The following ZNF560 variants were observed in gnomAD, a reference collection of about 807,000 sequenced individuals.
The protein encoded by ZNF560 is zinc finger protein 560.
In ZNF560, 54 loss-of-function variants were observed where a neutral mutation model predicts 81.8. That is an observed-to-expected ratio of 0.66 (90% CI 0.53 to 0.83). The LOEUF (loss-of-function observed/expected upper bound fraction) is 0.83, where lower values mean the gene tolerates loss of function less well. Ranked by LOEUF, ZNF560 falls within the 40% of genes least tolerant of loss-of-function variation. The pLI, the probability that ZNF560 is intolerant of heterozygous loss-of-function variation, is 0.00. For synonymous variants in ZNF560, 321 were observed against 317.9 expected (o/e 1.01, Z -0.10); for missense variants, 940 against 932.4 (o/e 1.01, Z -0.11).
the ZNF560 span, among the ~76,000 whole-genome samples, chr19:9,460,006 T>C: frequency 6.6e-6 from 1 of 151,622 alleles, no homozygotes; most frequent in Non-Finnish European, 1.5e-5. Context: ...GAACAACGGG[T>C]TTGGTGGAAA....
chr19:9,480,473 C>A (rs1399073645), intron 2 of ZNF560, among the ~76,000 whole-genome samples: 2 of 152,020 alleles, frequency 1.3e-5, no homozygotes, highest in African/African-American at 4.8e-5. Flanking sequence ...CCTAACACTG[C>A]ACCTTGAGGA....
intron 2 of ZNF560, among the ~76,000 whole-genome samples, chr19:9,476,353 C>T (rs1286908057): frequency 4.0e-5 from 6 of 151,890 alleles, no homozygotes; most frequent in South Asian, 2.1e-4. Flanking sequence ...AGTGCAATGG[C>T]GAGATCTTGG....
chr19:9,473,906 A>G (rs2073160382), intron 4 of ZNF560, among the ~76,000 whole-genome samples: 1 of 152,240 alleles, frequency 6.6e-6, no homozygotes, highest in Admixed American at 6.5e-5. Context: ...TTAATATTAT[A>G]GTGCATCAAA....
the ZNF560 span, among the ~76,000 whole-genome samples, chr19:9,456,323 A>G: frequency 6.6e-6 from 1 of 152,326 alleles, no homozygotes; most frequent in East Asian, 1.9e-4. Context: ...AAAGGAGTGC[A>G]GGTTCATACA....
At chr19:9,459,846 G>C in the ZNF560 span, among the ~76,000 whole-genome samples, 1 of 152,034 alleles carries the variant, frequency 6.6e-6, no homozygotes, top group Non-Finnish European at 1.5e-5. Flanking sequence ...GTAGTGCAGC[G>C]GGGCAGCCTT....
At chr19:9,452,099 A>G in the ZNF560 span, among the ~76,000 whole-genome samples, 207 of 152,206 alleles carry the variant, frequency 1.4e-3, no homozygotes, top group African/African-American at 4.8e-3. Context: ...AGTGGGGGGC[A>G]GGGCAAAAGA....
At chr19:9,446,659 G>A in the ZNF560 span, among the ~76,000 whole-genome samples, 1 of 151,998 alleles carries the variant, frequency 6.6e-6, no homozygotes, top group African/African-American at 2.4e-5. Context: ...ACATTATGTG[G>A]CAACAATGAA....
At chr19:9,472,490 CATAAA>C (rs1308047910) in intron 5 of ZNF560, among the ~76,000 whole-genome samples, 1 of 152,148 alleles carries the variant, frequency 6.6e-6, no homozygotes, top group African/African-American at 2.4e-5. Context: ...ACTTGATTCT[CATAAA>C]AGAGCAAAAT....
At position 9,468,300 on chromosome 19, in the gene ZNF560, C is replaced by T. The variant is rs751763424; in HGVS notation, c.647G>A (p.Cys216Tyr). The change falls in exon 10 of 10, where the codon TGT becomes TAT. Residue 216 changes from cysteine (C) to tyrosine (Y), a missense_variant. Coordinates refer to ENST00000301480, the MANE Select transcript of ZNF560 (RefSeq NM_152476.3). ...RNQNGEELYD[C>Y]KQCEDVFCKH... ...ACAGAAGACATCTTCACATTGCTTA[C>T]AGTCATAGAGTTCCTCTCCATTTTG... 6.2e-7 allele frequency: 1 copy of T among 1,609,654 alleles called. No individual in the cohort carries two copies. Among genetic ancestry groups the T allele is most frequent in the Non-Finnish European group, 8.5e-7 (1 of 1,178,376 alleles).
the ZNF560 span, among the ~76,000 whole-genome samples, chr19:9,447,969 A>C: frequency 6.6e-6 from 1 of 152,170 alleles, no homozygotes; most frequent in Non-Finnish European, 1.5e-5. Context: ...AGGAAATGGC[A>C]CATCAGGTAC....
At chr19:9,449,974 CAA>C in the ZNF560 span, among the ~76,000 whole-genome samples, 160 of 43,370 alleles carry the variant, frequency 3.7e-3, no homozygotes, top group Non-Finnish European at 6.5e-3. Flanking sequence ...AACTCTGTCT[CAA>C]AAAAAAAAAA....
intron 2 of ZNF560, among the ~76,000 whole-genome samples, chr19:9,493,699 A>C (rs1431027471): frequency 1.3e-5 from 2 of 152,198 alleles, no homozygotes; most frequent in Admixed American, 6.5e-5. Context: ...TTAGTTTCTA[A>C]GCATGTATTT....
intron 2 of ZNF560, among the ~76,000 whole-genome samples, chr19:9,481,890 GA>G (rs1173612798): frequency 6.6e-6 from 1 of 152,198 alleles, no homozygotes; most frequent in Non-Finnish European, 1.5e-5. Context: ...TCTAGAACTA[GA>G]AATACCATTT....
intron 2 of ZNF560, among the ~76,000 whole-genome samples, chr19:9,485,577 G>T (rs193124087): frequency 6.8e-6 from 1 of 146,654 alleles, no homozygotes; most frequent in South Asian, 2.2e-4. Flanking sequence ...ACAGAGTCTC[G>T]CTCTGTCACC....
the ZNF560 span, among the ~76,000 whole-genome samples, chr19:9,503,993 T>G: frequency 6.6e-6 from 1 of 152,216 alleles, no homozygotes; most frequent in Non-Finnish European, 1.5e-5. Context: ...ACAGGTGCCT[T>G]GTAATTTGTT....
upstream of ZNF560, among the ~76,000 whole-genome samples, chr19:9,501,603 C>T (rs1011238236): frequency 4.0e-5 from 6 of 151,560 alleles, no homozygotes; most frequent in South Asian, 2.1e-4. Context: ...TCAGGTGATC[C>T]GCCCATCTCA....
At chr19:9,469,571 T>C (rs948821627) in intron 8 of ZNF560, 59 bp downstream of exon 8, 1 of 1,494,384 alleles carries the variant, frequency 6.7e-7, no homozygotes, top group African/African-American at 1.4e-5. Context: ...AACTTCATTG[T>C]GCTTCCAAAC....
the ZNF560 span, among the ~76,000 whole-genome samples, chr19:9,448,661 T>C: frequency 8.5e-5 from 13 of 152,154 alleles, no homozygotes; most frequent in Non-Finnish European, 1.8e-4. Flanking sequence ...AACAACCACC[T>C]AACAGCTTCA....
chr19:9,459,123 C>A, the ZNF560 span, among the ~76,000 whole-genome samples: 2 of 152,166 alleles, frequency 1.3e-5, no homozygotes, highest in Admixed American at 1.3e-4. Flanking sequence ...TACTGGTATC[C>A]CATATAATTC....
Sources: allele counts gnomAD v4.1 joint callset (sites outside exome capture counted in the v4.1 genomes callset), GRCh38; gene constraint gnomAD v4.1.1; transcripts MANE v1.5; gene names NCBI Gene and HGNC (gene_info 2026-07-23, HGNC 2026-07-21).